The following EFNA5 variants were observed in gnomAD, a reference collection of about 807,000 sequenced individuals.
The protein encoded by EFNA5 is ephrin-A5.
EFNA5 carries 5 observed loss-of-function variants against 22.9 expected under a neutral mutation model. The ratio of observed to expected loss-of-function variants is 0.22; its 90% CI spans 0.11 to 0.46. EFNA5 has a LOEUF of 0.46. Ranked by LOEUF, EFNA5 falls within the 20% of genes least tolerant of loss-of-function variation. The probability of loss-of-function intolerance (pLI) is 0.99; values close to 1 mark genes in which losing one functional copy is unlikely to be tolerated. For missense variants in EFNA5, 237 were observed against 293.3 expected (o/e 0.81, Z 1.40); for synonymous variants, 113 against 112.2 (o/e 1.01, Z -0.04).
At chr5:107,477,625 G>C (rs1750347356) in intron 1 of EFNA5, among the ~76,000 whole-genome samples, 1 of 151,718 alleles carries the variant, frequency 6.6e-6, no homozygotes, top group African/African-American at 2.4e-5. Flanking sequence ...CTTTCTTTTG[G>C]GTAACCTGAT....
chr5:107,440,721 G>A (rs1333527922), intron 1 of EFNA5, among the ~76,000 whole-genome samples: 1 of 152,172 alleles, frequency 6.6e-6, no homozygotes, highest in Non-Finnish European at 1.5e-5. Flanking sequence ...CAGACAGAAA[G>A]AGAGAATGTG....
chr5:107,453,859 T>C (rs1373294061), intron 1 of EFNA5, among the ~76,000 whole-genome samples: 2 of 152,110 alleles, frequency 1.3e-5, no homozygotes, highest in Non-Finnish European at 2.9e-5. Flanking sequence ...ACCTGACTAA[T>C]TGTCTCCCCT....
intron 4 of EFNA5, 84 bp from the exon 5 acceptor site, chr5:107,381,460 G>C: frequency 6.9e-7 from 1 of 1,444,596 alleles, no homozygotes. Flanking sequence ...AACAGACCTC[G>C]CCACCCTCTG....
intron 1 of EFNA5, among the ~76,000 whole-genome samples, chr5:107,591,890 ATT>A (rs1436314165): frequency 9.3e-5 from 2 of 21,516 alleles, no homozygotes; most frequent in South Asian, 7.7e-4. Flanking sequence ...TAATATATAT[ATT>A]ATATATAATA....
chr5:107,536,484 A>G (rs163761), intron 1 of EFNA5, among the ~76,000 whole-genome samples: 8,414 of 152,300 alleles, frequency 0.055, 786 homozygotes, highest in African/African-American at 0.19. Context: ...TGGTGGTCAC[A>G]TACATTGTTA....
At chr5:107,407,234 G>A (rs1748249135) in intron 2 of EFNA5, among the ~76,000 whole-genome samples, 1 of 152,084 alleles carries the variant, frequency 6.6e-6, no homozygotes, top group Admixed American at 6.5e-5. Flanking sequence ...CTTTTTTGCA[G>A]TAATGCCGAG....
At chr5:107,635,854 A>G (rs1750361730) in intron 1 of EFNA5, among the ~76,000 whole-genome samples, 1 of 152,232 alleles carries the variant, frequency 6.6e-6, no homozygotes, top group African/African-American at 2.4e-5. Context: ...CTCAGGAGTG[A>G]GCCAACATTC....
intron 1 of EFNA5, among the ~76,000 whole-genome samples, chr5:107,647,357 A>C (rs916651337): frequency 6.6e-6 from 1 of 152,300 alleles, no homozygotes; most frequent in South Asian, 2.1e-4. Context: ...TATTTATAAA[A>C]GAGAAACATA....
At chr5:107,399,172 C>G (rs890719012) in intron 2 of EFNA5, among the ~76,000 whole-genome samples, 1 of 151,884 alleles carries the variant, frequency 6.6e-6, no homozygotes, top group Non-Finnish European at 1.5e-5. Context: ...TGAAAGGAGG[C>G]CAGGCGTGGT....
chr5:107,454,315 GCTA>G (rs1462900013), intron 1 of EFNA5, among the ~76,000 whole-genome samples: 8 of 151,924 alleles, frequency 5.3e-5, no homozygotes, highest in Non-Finnish European at 7.4e-5. Flanking sequence ...TAAAGCTTTT[GCTA>G]CTATTTCATC....
chr5:107,482,870 C>CTATATA (rs72399506), intron 1 of EFNA5, among the ~76,000 whole-genome samples: 36 of 59,078 alleles, frequency 6.1e-4, no homozygotes, highest in African/African-American at 1.5e-3. Context: ...CTCTCTCTCT[C>CTATATA]TATATATATA....
At position 107,651,363 on chromosome 5, in the gene EFNA5, T is replaced by C. The variant is rs186834813; in HGVS notation, c.125+19126A>G. Among the ~76,000 whole-genome samples the C allele has an allele frequency of 8.5e-5, 13 of 152,290 alleles. No individual in the cohort carries two copies. The East Asian group carries it at 2.3e-3, about 27-fold the overall frequency. On this transcript the variant is annotated intron_variant, in intron 1 of 4. Transcript: ENST00000333274. ...AATAAATGGGAGCTATTCAAGTCAA[T>C]TCCTAGAGGGGCACATAAGTACTTC...
intron 1 of EFNA5, among the ~76,000 whole-genome samples, chr5:107,457,267 C>T (rs932174908): frequency 2.0e-5 from 3 of 152,036 alleles, no homozygotes; most frequent in Non-Finnish European, 4.4e-5. Context: ...AAAGAAAGTT[C>T]GTGTTAATAC....
At chr5:107,455,713 A>C (rs1347975958) in intron 1 of EFNA5, among the ~76,000 whole-genome samples, 1 of 152,202 alleles carries the variant, frequency 6.6e-6, no homozygotes. Flanking sequence ...CCTTAGGACA[A>C]TGCACAGACA....
chr5:107,640,129 T>G lies in EFNA5; in HGVS notation c.125+30360A>C, dbSNP rs577636118. On this transcript the variant is annotated intron_variant, in intron 1 of 4. Transcript: ENST00000333274. ...ATCAAAGATACTGAGAGGCTGAGAC[T>G]TAACGCCATTTTTTAATCTGCATTT... 2.2e-4 allele frequency among the ~76,000 whole-genome samples: 33 copies of G among 152,330 alleles called. No homozygotes were observed. In the South Asian group the frequency reaches 5.0e-3, roughly 23 times the overall value.
chr5:107,419,243 T>G (rs1748590540), intron 2 of EFNA5, among the ~76,000 whole-genome samples: 1 of 152,232 alleles, frequency 6.6e-6, no homozygotes. Context: ...TTCATGTTCT[T>G]TATTTAACCT....
At chr5:107,511,359 G>A (rs1023833983) in intron 1 of EFNA5, among the ~76,000 whole-genome samples, 3 of 151,986 alleles carry the variant, frequency 2.0e-5, no homozygotes, top group African/African-American at 4.8e-5. Context: ...AAATCCCCAC[G>A]AAGTTTGAAA....
At position 107,386,252 on chromosome 5, in the gene EFNA5, G is replaced by A. The variant is rs1345921836; in HGVS notation, c.565+983C>T. Among the ~76,000 whole-genome samples, 4 of 151,728 alleles carry A rather than the reference G, an allele frequency of 2.6e-5. No individual in the cohort carries two copies. The East Asian group carries it at 5.8e-4, about 22-fold the overall frequency. ...TTCCCTTAAGCTTTGAGATGATCAA[G>A]GGAGATGGGTAAGGAAACCAGTGAA... On this transcript the variant is annotated intron_variant, in intron 4 of 4. Coordinates refer to ENST00000333274, the MANE Select transcript of EFNA5 (RefSeq NM_001962.3).
rs1225360851 is a variant in EFNA5 at position 107,670,532 on chromosome 5, C to G, written c.82G>C (p.Val28Leu). ...VFSQDPGSKA[V>L]ADRYAVYWNS... ...CAGTAGACAGCGTAGCGGTCGGCGACGGCCTTGGAGCCCGGGTCCTGGCTG... is the reference window on the plus strand; with the variant it reads ...CAGTAGACAGCGTAGCGGTCGGCGAGGGCCTTGGAGCCCGGGTCCTGGCTG... The change falls in exon 1 of 5, where the codon GTC (valine) becomes CTC (leucine). Residue 28 changes from valine (V) to leucine (L), a missense_variant. Val to Leu is a conservative substitution (Grantham distance 32). Coordinates refer to ENST00000333274, the MANE Select transcript of EFNA5 (RefSeq NM_001962.3). 2.5e-6 allele frequency: 4 copies of G among 1,586,802 alleles called. No homozygotes were observed. In the South Asian group the frequency reaches 4.6e-5, roughly 18 times the overall value.
Sources: allele counts gnomAD v4.1 joint callset (sites outside exome capture counted in the v4.1 genomes callset), GRCh38; gene constraint gnomAD v4.1.1; transcripts MANE v1.5; gene names NCBI Gene and HGNC (gene_info 2026-07-23, HGNC 2026-07-21).